Variants in STOM observed in about 807,000 individuals in gnomAD.
The protein encoded by STOM is stomatin.
Under a neutral mutation model 30.6 loss-of-function variants are expected in STOM, and 25 were observed. The observed-to-expected ratio is 0.82, with a 90% CI of 0.60 to 1.14. The LOEUF (loss-of-function observed/expected upper bound fraction) is 1.14. Ranked by LOEUF, STOM falls within the 50% of genes most tolerant of loss-of-function variation. STOM has a pLI of 0.00. For missense variants in STOM, 292 were observed against 365.2 expected (o/e 0.80, Z 1.63); for synonymous variants, 118 against 130.8 (o/e 0.90, Z 0.67).
chr9:121,348,168 G>T lies in STOM; in HGVS notation c.526-19C>A. 6.2e-7 allele frequency: 1 copy of T among 1,613,986 alleles called. No homozygotes were observed. The highest frequency in any genetic ancestry group is 8.5e-7 in the Non-Finnish European group (1 of 1,179,940). On this transcript the variant is annotated intron_variant, in intron 5 of 6. Transcript: ENST00000286713. ...GAGTAGACTGTTAGGAAGAGAGAAGGCAAGCTAAATCTCCTCAGCCCAGCC... is the reference window on the plus strand; with the variant it reads ...GAGTAGACTGTTAGGAAGAGAGAAGTCAAGCTAAATCTCCTCAGCCCAGCC...
Position 121,340,205 on chromosome 9 carries a change from T to C in STOM, c.*997A>G. ...GTTTGAAAGACAGAACAAGGAGGAA[T>C]CATTTACTCATAAAGAAGGCTCAAA... On this transcript the variant is annotated 3_prime_UTR_variant, in exon 7 of 7. Coordinates refer to ENST00000286713, the MANE Select transcript of STOM (RefSeq NM_004099.6). 1 of 985,436 alleles carries C rather than the reference T, an allele frequency of 1.0e-6. No homozygotes were observed. Among genetic ancestry groups the C allele is most frequent in the Non-Finnish European group, 1.2e-6 (1 of 829,932 alleles). The allele number at this position is 985,436 out of a possible 1,614,324, so 61.0% of individuals were successfully genotyped here. A position where few individuals can be genotyped will look rare whatever the true frequency, so the allele number is the denominator to read the frequency against.
chr9:121,341,817 G>T (rs954155904), intron 6 of STOM, among the ~76,000 whole-genome samples: 2 of 152,136 alleles, frequency 1.3e-5, no homozygotes, highest in East Asian at 1.9e-4. Context: ...AATATTTTTT[G>T]ATGAAAGACT....
At chr9:121,355,248 A>AAATAAT (rs1554830893) in intron 2 of STOM, among the ~76,000 whole-genome samples, 1 of 131,208 alleles carries the variant, frequency 7.6e-6, no homozygotes, top group African/African-American at 2.9e-5. Flanking sequence ...AAAAAAAAAA[A>AAATAAT]AATAATAATA....
In STOM at chr9:121,349,108, C is replaced by CG. The variant is rs1409004154; in HGVS notation, c.525+11dup. Reference sequence around the variant, plus strand: ...AGCTTCTGGGGGGTAACAGCATTGACGTACTCCCCACCTGCATGTTGTGTG... The same window carrying CG: ...AGCTTCTGGGGGGTAACAGCATTGACGGTACTCCCCACCTGCATGTTGTGTG... On this transcript the variant is annotated intron_variant, in intron 5 of 6. Coordinates refer to ENST00000286713, the MANE Select transcript of STOM (RefSeq NM_004099.6). 2 of 1,612,952 alleles carry CG rather than the reference C, an allele frequency of 1.2e-6. No homozygotes were observed. Among genetic ancestry groups the CG allele is most frequent in the Non-Finnish European group, 1.7e-6 (2 of 1,179,280 alleles).
chr9:121,349,010 A>G, intron 5 of STOM, 110 bp downstream of exon 5: 1 of 1,265,404 alleles, frequency 7.9e-7, no homozygotes, highest in Non-Finnish European at 1.1e-6. Context: ...AGAAAAAAAA[A>G]CGGTCACAGA....
intron 2 of STOM, among the ~76,000 whole-genome samples, chr9:121,355,264 A>G (rs2064376773): frequency 6.8e-6 from 1 of 146,364 alleles, no homozygotes; most frequent in Non-Finnish European, 1.5e-5. Context: ...TAATAATAAT[A>G]ATAATCCCAG....
intron 1 of STOM, among the ~76,000 whole-genome samples, chr9:121,362,442 T>C (rs1387130629): frequency 6.6e-6 from 1 of 152,220 alleles, no homozygotes; most frequent in Admixed American, 6.5e-5. Flanking sequence ...AAAGATTAAT[T>C]AATTAATTCC....
chr9:121,367,012 A>G (rs930610634), intron 1 of STOM, among the ~76,000 whole-genome samples: 3 of 151,954 alleles, frequency 2.0e-5, no homozygotes, highest in African/African-American at 7.3e-5. Flanking sequence ...ACTTGAGGCT[A>G]CAGTGAGCTA....
intron 6 of STOM, among the ~76,000 whole-genome samples, 153 bp from the exon 7 acceptor site, chr9:121,341,561 C>CA (rs1175569879): frequency 3.3e-5 from 5 of 152,216 alleles, no homozygotes; most frequent in African/African-American, 1.2e-4. Context: ...TCTACATACT[C>CA]AGTTTCCATA....
At chr9:121,360,234 G>A (rs772105713) in intron 1 of STOM, among the ~76,000 whole-genome samples, 1 of 151,986 alleles carries the variant, frequency 6.6e-6, no homozygotes, top group Non-Finnish European at 1.5e-5. Flanking sequence ...TTTGAATCTC[G>A]ATAGCATTTT....
At chr9:121,350,461 T>C (rs1314931586) in intron 4 of STOM, among the ~76,000 whole-genome samples, 1 of 152,212 alleles carries the variant, frequency 6.6e-6, no homozygotes, top group Non-Finnish European at 1.5e-5. Context: ...TTTGTAACTC[T>C]AACACTGGCA....
At chr9:121,355,351 GC>G (rs2064378101) in intron 2 of STOM, among the ~76,000 whole-genome samples, 1 of 149,278 alleles carries the variant, frequency 6.7e-6, no homozygotes. Flanking sequence ...TCGCGCCACT[GC>G]ACTCCAGCCT....
In STOM at chr9:121,349,352, C is replaced by A. The variant is rs765162317; in HGVS notation, c.322-29G>T. ...CAAGATGAAGGAAGCAATTTTACAT[C>A]TGTCAACGACTTTTTTTTAACATAA... On this transcript the variant is annotated intron_variant, in intron 4 of 6. Coordinates refer to ENST00000286713, the MANE Select transcript of STOM (RefSeq NM_004099.6). 1.9e-6 allele frequency: 3 copies of A among 1,599,860 alleles called. No homozygotes were observed. The Admixed American group carries it at 5.0e-5, about 27-fold the overall frequency.
At chr9:121,341,858 A>C (rs1387235810) in intron 6 of STOM, among the ~76,000 whole-genome samples, 2 of 152,198 alleles carry the variant, frequency 1.3e-5, no homozygotes, top group African/African-American at 2.4e-5. Flanking sequence ...CATAAATTCA[A>C]AGTGCTAAGA....
intron 4 of STOM, among the ~76,000 whole-genome samples, chr9:121,349,558 C>T (rs944828933): frequency 3.3e-5 from 5 of 151,896 alleles, no homozygotes; most frequent in African/African-American, 1.2e-4. Flanking sequence ...GTACTAGGTA[C>T]CAGGGATTAA....
At chr9:121,346,879 C>T (rs2064294316) in intron 6 of STOM, among the ~76,000 whole-genome samples, 1 of 152,188 alleles carries the variant, frequency 6.6e-6, no homozygotes, top group Admixed American at 6.5e-5. Context: ...GAACAGCGTT[C>T]TGTGGTCAGC....
intron 4 of STOM, among the ~76,000 whole-genome samples, chr9:121,352,085 C>T (rs1401077413): frequency 1.3e-5 from 2 of 152,104 alleles, no homozygotes; most frequent in Non-Finnish European, 2.9e-5. Flanking sequence ...AATCATTCCT[C>T]GGTATCTGTG....
At chr9:121,366,560 C>T (rs2064505494) in intron 1 of STOM, among the ~76,000 whole-genome samples, 1 of 151,966 alleles carries the variant, frequency 6.6e-6, no homozygotes, top group South Asian at 2.1e-4. Context: ...AACATAATGG[C>T]CATGCCCTAA....
intron 1 of STOM, among the ~76,000 whole-genome samples, chr9:121,361,615 C>G (rs1233475058): frequency 1.3e-5 from 2 of 152,062 alleles, no homozygotes; most frequent in Non-Finnish European, 2.9e-5. Context: ...GTCTTGATCT[C>G]CTGACCTCGT....
Sources: gnomAD v4.1 joint callset for allele counts (sites outside exome capture counted in the v4.1 genomes callset) on GRCh38, gnomAD v4.1.1 for gene constraint, MANE v1.5 for transcripts, NCBI Gene and HGNC (gene_info 2026-07-23, HGNC 2026-07-21) for gene names.